The following ST8SIA1 variants were observed in gnomAD, a reference collection of about 807,000 sequenced individuals.
The protein encoded by ST8SIA1 is alpha-N-acetylneuraminide alpha-2,8-sialyltransferase.
ST8SIA1 carries 16 observed loss-of-function variants against 35.9 expected under a neutral mutation model. The ratio of observed to expected loss-of-function variants is 0.45; its 90% CI spans 0.30 to 0.68. The LOEUF is 0.68. ST8SIA1 is among the 30% of genes least tolerant of loss of function. The pLI is 0.09. For missense variants in ST8SIA1, 383 were observed against 453.6 expected (o/e 0.84, Z 1.41); for synonymous variants, 170 against 169.6 (o/e 1.00, Z -0.02).
At position 22,197,084 on chromosome 12, in the gene ST8SIA1, T is replaced by A. The variant is rs1864997985; in HGVS notation, c.*4468A>T. 1 of 152,186 alleles carries A rather than the reference T, an allele frequency of 6.6e-6. No homozygotes were observed. The highest frequency in any genetic ancestry group is 1.5e-5 in the Non-Finnish European group (1 of 68,060). 9.4% of individuals were successfully genotyped at this position (152,186 alleles called of 1,614,324 possible). The stretch of plus-strand genomic sequence containing the variant: ...TTGCTAGTTATGTTTACTGCTGACT[T>A]TATTAGAGGTTTTGACCTAGGTTGC... On this transcript the variant is annotated 3_prime_UTR_variant, in exon 5 of 5. Transcript: ENST00000396037.
At chr12:22,244,291 T>C (rs928930057) in intron 4 of ST8SIA1, among the ~76,000 whole-genome samples, 2 of 152,076 alleles carry the variant, frequency 1.3e-5, no homozygotes, top group Non-Finnish European at 2.9e-5. Flanking sequence ...TATATCCATG[T>C]TACACCAGCC....
At position 22,194,316 on chromosome 12, in the gene ST8SIA1, A is replaced by G. The variant is rs1864957946; in HGVS notation, c.*7236T>C. 1 of 152,168 alleles carries G rather than the reference A, an allele frequency of 6.6e-6. No individual in the cohort carries two copies. Among genetic ancestry groups the G allele is most frequent in the Non-Finnish European group, 1.5e-5 (1 of 68,036 alleles). 9.4% of individuals were successfully genotyped at this position (152,168 alleles called of 1,614,324 possible). A position where few individuals can be genotyped will look rare whatever the true frequency, so the allele number is the denominator to read the frequency against. ...ATCCTCTTGCAGTTATCACCTATGG[A>G]GCTTCCTACTAGAAGGTTCTATGAC... On this transcript the variant is annotated 3_prime_UTR_variant, in exon 5 of 5. Transcript: ENST00000396037.
Position 22,317,836 on chromosome 12 carries a change from C to G in ST8SIA1, c.236+16161G>C, listed in dbSNP as rs183105944. Reference sequence around the variant, plus strand: ...AGGAGTGGGGATCACTGGGACCCATCTTAGAGGTTGTGCATCACCATGTAT... The same window carrying G: ...AGGAGTGGGGATCACTGGGACCCATGTTAGAGGTTGTGCATCACCATGTAT... On this transcript the variant is annotated intron_variant, in intron 1 of 4. Transcript: ENST00000396037. Among the ~76,000 whole-genome samples the G allele has an allele frequency of 8.0e-4, 122 of 152,266 alleles. 2 individuals are homozygous for G. The East Asian group carries it at 0.018, about 22-fold the overall frequency.
intron 1 of ST8SIA1, among the ~76,000 whole-genome samples, chr12:22,305,838 A>G (rs185803689): frequency 7.5e-4 from 114 of 152,318 alleles, no homozygotes; most frequent in African/African-American, 2.6e-3. Flanking sequence ...TAAATAAGAC[A>G]TTAATATTGG....
At chr12:22,234,683 T>C (rs1477096560) in intron 4 of ST8SIA1, among the ~76,000 whole-genome samples, 7 of 152,218 alleles carry the variant, frequency 4.6e-5, no homozygotes, top group African/African-American at 1.7e-4. Flanking sequence ...ACATGTGCAG[T>C]ACAACAATGT....
chr12:22,232,502 T>G (rs571277349), intron 4 of ST8SIA1, among the ~76,000 whole-genome samples: 1 of 152,326 alleles, frequency 6.6e-6, no homozygotes, highest in South Asian at 2.1e-4. Context: ...TTAGGAGTTC[T>G]GTACTGGTTA....
intron 2 of ST8SIA1, among the ~76,000 whole-genome samples, chr12:22,263,714 G>A (rs1865817125): frequency 6.6e-6 from 1 of 152,116 alleles, no homozygotes. Context: ...ACAGGAAGGG[G>A]GAGCAGGTCT....
chr12:22,266,971 A>G (rs1865856924), intron 2 of ST8SIA1, among the ~76,000 whole-genome samples: 1 of 152,178 alleles, frequency 6.6e-6, no homozygotes, highest in African/African-American at 2.4e-5. Flanking sequence ...AGACACCCCA[A>G]GGAATTTGAT....
At chr12:22,318,120 TTTGA>T (rs1262858147) in intron 1 of ST8SIA1, among the ~76,000 whole-genome samples, 1 of 152,222 alleles carries the variant, frequency 6.6e-6, no homozygotes, top group Non-Finnish European at 1.5e-5. Context: ...GACCTTTATG[TTTGA>T]TTAATACACT....
intron 4 of ST8SIA1, among the ~76,000 whole-genome samples, chr12:22,206,321 C>T (rs1865109307): frequency 6.6e-6 from 1 of 152,152 alleles, no homozygotes; most frequent in South Asian, 2.1e-4. Context: ...TGAAAGGCAG[C>T]AGTAGCAATG....
At chr12:22,242,455 T>C (rs1302173867) in intron 4 of ST8SIA1, among the ~76,000 whole-genome samples, 2 of 152,146 alleles carry the variant, frequency 1.3e-5, no homozygotes, top group Admixed American at 6.5e-5. Context: ...ATTCTGACAA[T>C]ATATATATTT....
At chr12:22,230,714 AC>A (rs760091035) in intron 4 of ST8SIA1, among the ~76,000 whole-genome samples, 16 of 152,204 alleles carry the variant, frequency 1.1e-4, no homozygotes, top group Non-Finnish European at 1.9e-4. Context: ...CAAATGACTC[AC>A]TATCATCTTG....
At chr12:22,206,370 G>A (rs1565566455) in intron 4 of ST8SIA1, among the ~76,000 whole-genome samples, 1 of 152,152 alleles carries the variant, frequency 6.6e-6, no homozygotes, top group South Asian at 2.1e-4. Flanking sequence ...GGAAAGTGGT[G>A]TCTAACAGCA....
At position 22,193,825 on chromosome 12, in the gene ST8SIA1, T is replaced by C. The variant is rs1864951919; in HGVS notation, c.*7727A>G. The C allele has an allele frequency of 6.6e-6, 1 of 152,184 alleles. No homozygotes were observed. The highest frequency in any genetic ancestry group is 2.4e-5 in the African/African-American group (1 of 41,456). 9.4% of individuals were successfully genotyped at this position (152,184 alleles called of 1,614,324 possible). A position where few individuals can be genotyped will look rare whatever the true frequency, so the allele number is the denominator to read the frequency against. The stretch of plus-strand genomic sequence containing the variant: ...TCTAAAATTTTTCCCAGAATTATTA[T>C]ATCCATGAACTAGTAGTCAGATTAT... On this transcript the variant is annotated 3_prime_UTR_variant, in exon 5 of 5. Coordinates refer to ENST00000396037, the MANE Select transcript of ST8SIA1 (RefSeq NM_003034.4).
At position 22,224,135 on chromosome 12, in the gene ST8SIA1, A is replaced by T. The variant is rs1230933865; in HGVS notation, c.585-22097T>A. On this transcript the variant is annotated intron_variant, in intron 4 of 4. Coordinates refer to ENST00000396037, the MANE Select transcript of ST8SIA1 (RefSeq NM_003034.4). The stretch of plus-strand genomic sequence containing the variant: ...CTACTTTGGTTGTTAAAAATAGATA[A>T]TTTGCTTCCAGCTCTAATGTGAGTA... Among the ~76,000 whole-genome samples, 3 of 152,032 alleles carry T rather than the reference A, an allele frequency of 2.0e-5. No homozygotes were observed. In the East Asian group the frequency reaches 5.8e-4, roughly 29 times the overall value.
At position 22,287,206 on chromosome 12, in the gene ST8SIA1, G is replaced by A. The variant is rs766618650; in HGVS notation, c.324C>T (p.Asp108=). The A allele has an allele frequency of 1.7e-5, 27 of 1,614,040 alleles. No homozygotes were observed. The highest frequency in any genetic ancestry group is 1.3e-4 in the East Asian group (6 of 44,864). The change falls in exon 2 of 5, where the codon GAC becomes GAT. Residue 108 remains aspartate (D), a synonymous_variant. Transcript: ENST00000396037. ...NSPMGKSMWY[D]GEFLYSFTID... ...TGGTGAATGAGTATAAAAACTCCCC[G>A]TCATACCACATGCTCTTCCCCATAG...
intron 2 of ST8SIA1, among the ~76,000 whole-genome samples, chr12:22,274,836 A>G (rs1240253528): frequency 2.0e-5 from 3 of 152,140 alleles, no homozygotes; most frequent in Admixed American, 6.6e-5. Flanking sequence ...GCACATTTTA[A>G]TTTACCACCT....
In ST8SIA1 at chr12:22,331,094, A is replaced by AT. The variant is rs1866757810; in HGVS notation, c.236+2902dup. Among the ~76,000 whole-genome samples, 7 of 152,350 alleles carry AT rather than the reference A, an allele frequency of 4.6e-5. No homozygotes were observed. The South Asian group carries it at 1.4e-3, about 32-fold the overall frequency. On this transcript the variant is annotated intron_variant, in intron 1 of 4. Coordinates refer to ENST00000396037, the MANE Select transcript of ST8SIA1 (RefSeq NM_003034.4). ...AGGTTCTTCTCTGAGAATTCAGTAC[A>AT]TATCAAGTACTGAGCTAGAAGAAGA...
At chr12:22,329,935 T>C (rs1350781235) in intron 1 of ST8SIA1, among the ~76,000 whole-genome samples, 2 of 152,172 alleles carry the variant, frequency 1.3e-5, no homozygotes, top group Non-Finnish European at 2.9e-5. Context: ...GCCAGTACCA[T>C]TAGATCCTTG....
Sources: allele counts gnomAD v4.1 joint callset (sites outside exome capture counted in the v4.1 genomes callset), GRCh38; gene constraint gnomAD v4.1.1; transcripts MANE v1.5; gene names NCBI Gene and HGNC (gene_info 2026-07-23, HGNC 2026-07-21).